The following ROBO2 variants were observed in gnomAD, a reference collection of about 807,000 sequenced individuals.
The protein encoded by ROBO2 is roundabout homolog 2.
ROBO2 carries 53 observed loss-of-function variants against 160.8 expected under a neutral mutation model. The observed-to-expected ratio is 0.33, with a 90% CI of 0.26 to 0.41. The LOEUF is 0.41. ROBO2 is among the 10% of genes least tolerant of loss of function. The pLI is 1.00. For missense variants in ROBO2, 1,577 were observed against 1,722.4 expected, an observed-to-expected ratio of 0.92 and a Z score of 1.49; for synonymous variants, 664 against 611.7, an observed-to-expected ratio of 1.09 and a Z score of -1.26.
intron 2 of ROBO2, among the ~76,000 whole-genome samples, chr3:76,803,117 A>G (rs1271269500): frequency 6.6e-6 from 1 of 152,082 alleles, no homozygotes; most frequent in Non-Finnish European, 1.5e-5. Context: ...GACACAACCA[A>G]CTCAATAGTA....
At chr3:77,540,526 C>T (rs2092410443) in intron 6 of ROBO2, among the ~76,000 whole-genome samples, 1 of 150,482 alleles carries the variant, frequency 6.6e-6, no homozygotes. Flanking sequence ...AATGTGAACA[C>T]ATAGGCACAG....
chr3:77,594,197 C>A (rs2094246277), intron 17 of ROBO2, among the ~76,000 whole-genome samples: 2 of 152,294 alleles, frequency 1.3e-5, no homozygotes, highest in East Asian at 3.9e-4. Flanking sequence ...CATTCCACTG[C>A]AGAAAAACTA....
At chr3:75,962,621 A>G (rs928822085) in intron 2 of ROBO2, among the ~76,000 whole-genome samples, 1 of 151,858 alleles carries the variant, frequency 6.6e-6, no homozygotes, top group African/African-American at 2.4e-5. Flanking sequence ...CTTGGACTCC[A>G]AATATTGTGT....
At chr3:76,554,868 G>C (rs918377869) in intron 2 of ROBO2, among the ~76,000 whole-genome samples, 1 of 151,940 alleles carries the variant, frequency 6.6e-6, no homozygotes, top group Non-Finnish European at 1.5e-5. Flanking sequence ...GGGAGAATCA[G>C]GGAAAAAAAT....
At chr3:76,967,767 A>G (rs960033486) in intron 2 of ROBO2, among the ~76,000 whole-genome samples, 2 of 151,474 alleles carry the variant, frequency 1.3e-5, no homozygotes, top group Non-Finnish European at 2.9e-5. Context: ...CTGGTCTTGC[A>G]CTCCTGGCCT....
intron 2 of ROBO2, among the ~76,000 whole-genome samples, chr3:76,252,992 G>C (rs897140277): frequency 5.3e-5 from 8 of 151,652 alleles, no homozygotes; most frequent in Admixed American, 5.3e-4. Flanking sequence ...ATTTGACAAG[G>C]CCCCCCCACA....
intron 21 of ROBO2, among the ~76,000 whole-genome samples, chr3:77,616,595 T>C (rs1485150832): frequency 2.0e-5 from 3 of 152,148 alleles, no homozygotes; most frequent in African/African-American, 7.2e-5. Flanking sequence ...TCACTAGGTA[T>C]TTAAGAGGCT....
intron 2 of ROBO2, among the ~76,000 whole-genome samples, chr3:76,413,934 GA>G (rs35741072): frequency 0.56 from 85,191 of 151,800 alleles, 24,449 homozygotes; most frequent in African/African-American, 0.67. Flanking sequence ...AGACTGGGAG[GA>G]AAAAATAAAT....
chr3:77,369,034 G>A (rs934029648), intron 2 of ROBO2, among the ~76,000 whole-genome samples: 1 of 152,086 alleles, frequency 6.6e-6, no homozygotes, highest in Admixed American at 6.6e-5. Context: ...TTAAACATTG[G>A]CAAATTACAG....
intron 2 of ROBO2, among the ~76,000 whole-genome samples, chr3:76,916,466 C>T (rs1250788743): frequency 1.3e-5 from 2 of 151,802 alleles, no homozygotes; most frequent in Non-Finnish European, 2.9e-5. Context: ...TTCAGCCTCC[C>T]GAGCATTTGG....
chr3:76,223,717 T>A (rs1466426459), intron 2 of ROBO2, among the ~76,000 whole-genome samples: 1 of 152,148 alleles, frequency 6.6e-6, no homozygotes, highest in Admixed American at 6.5e-5. Context: ...CTACAGGAGA[T>A]AAGGCTCTCA....
At chr3:76,147,302 G>C (rs913547988) in intron 2 of ROBO2, among the ~76,000 whole-genome samples, 1 of 151,564 alleles carries the variant, frequency 6.6e-6, no homozygotes, top group African/African-American at 2.4e-5. Flanking sequence ...ATAAGTAAAT[G>C]TAATGAACAT....
chr3:77,466,120 T>G (rs1262172784), intron 2 of ROBO2, among the ~76,000 whole-genome samples: 1 of 152,146 alleles, frequency 6.6e-6, no homozygotes, highest in Admixed American at 6.6e-5. Context: ...GATAGAGCTA[T>G]TTTTAATCAG....
intron 2 of ROBO2, among the ~76,000 whole-genome samples, chr3:77,371,448 A>C (rs983702213): frequency 6.6e-6 from 1 of 152,180 alleles, no homozygotes; most frequent in Non-Finnish European, 1.5e-5. Flanking sequence ...TGGACAAGTT[A>C]CTTAAGTTCT....
chr3:76,191,312 C>A (rs557238960), intron 2 of ROBO2, among the ~76,000 whole-genome samples: 1 of 152,032 alleles, frequency 6.6e-6, no homozygotes, highest in Non-Finnish European at 1.5e-5. Context: ...GTGATCAATA[C>A]GCGTCCCAGG....
At chr3:76,964,528 A>G (rs2079926301) in intron 2 of ROBO2, among the ~76,000 whole-genome samples, 1 of 152,154 alleles carries the variant, frequency 6.6e-6, no homozygotes, top group South Asian at 2.1e-4. Context: ...AGTTTTTAGT[A>G]GAGACAGGGT....
At chr3:77,255,546 A>T (rs981795402) in intron 2 of ROBO2, among the ~76,000 whole-genome samples, 14 of 152,286 alleles carry the variant, frequency 9.2e-5, no homozygotes, top group African/African-American at 3.4e-4. Flanking sequence ...CACTTTCTGA[A>T]CTCAGGAACC....
chr3:76,000,435 G>C (rs1489554064), intron 2 of ROBO2, among the ~76,000 whole-genome samples: 2 of 151,338 alleles, frequency 1.3e-5, no homozygotes, highest in Non-Finnish European at 2.9e-5. Context: ...CTATGAGTCA[G>C]CTTCATCTAG....
intron 2 of ROBO2, among the ~76,000 whole-genome samples, chr3:76,938,579 G>C (rs1212160835): frequency 1.3e-5 from 2 of 152,032 alleles, no homozygotes; most frequent in Non-Finnish European, 2.9e-5. Flanking sequence ...CTCATAGTGA[G>C]ACCACATGTA....
Sources: gnomAD v4.1 joint callset for allele counts (sites outside exome capture counted in the v4.1 genomes callset) on GRCh38, gnomAD v4.1.1 for gene constraint, MANE v1.5 for transcripts, NCBI Gene and HGNC (gene_info 2026-07-23, HGNC 2026-07-21) for gene names.